The following ITIH6 variants were observed in gnomAD, a reference collection of about 807,000 sequenced individuals.
The protein encoded by ITIH6 is inter-alpha-trypsin inhibitor heavy chain H6.
ITIH6 carries 60 observed loss-of-function variants against 58.2 expected under a neutral mutation model. That is an observed-to-expected ratio of 1.03 (90% confidence interval 0.84 to 1.28). The LOEUF (loss-of-function observed/expected upper bound fraction) is 1.28. Ranked by LOEUF, ITIH6 falls within the 50% of genes most tolerant of loss-of-function variation. The pLI is 0.00. For synonymous variants in ITIH6, 493 were observed against 417.4 expected (o/e 1.18, Z -2.21); for missense variants, 1,290 against 1,021.1 (o/e 1.26, Z -3.59).
chrX:54,765,442 G>C lies in ITIH6; in HGVS notation c.904-5515C>G, dbSNP rs1479722008. The stretch of plus-strand genomic sequence containing the variant: ...CATCTTGAATTGATTTTTGTATAAG[G>C]TGTAAGGAAGGGATCCAGTTTCAGC... On this transcript the variant is annotated intron_variant, in intron 6 of 12. Transcript: ENST00000218436. 2.0e-4 allele frequency among the ~76,000 whole-genome samples: 20 copies of C among 100,704 alleles called. No homozygotes were observed. The East Asian group carries it at 5.4e-3, about 27-fold the overall frequency. 87.4% of individuals were successfully genotyped at this position (100,704 alleles called of 115,157 possible).
intron 2 of ITIH6, among the ~76,000 whole-genome samples, chrX:54,794,093 A>T (rs1002958445): frequency 6.3e-5 from 7 of 110,540 alleles, no homozygotes; most frequent in Admixed American, 9.6e-5. Flanking sequence ...AGAAGAGACC[A>T]CTCAGGGAAG....
rs1928512952 is a variant in ITIH6 at position 54,757,262 on chromosome X, CA to C, written c.2811del (p.Gly938GlufsTer30). ...LPMPFTPTLP[P>X]GRFWHQYDLL... The stretch of plus-strand genomic sequence containing the variant: ...AGGTCATACTGATGCCAGAACCTTC[CA>C]GGGGGCAGAGTGGGAGTAAAGGGCA... On this transcript the variant is annotated frameshift_variant, in exon 8 of 13. Transcript: ENST00000218436. LOFTEE classifies it high-confidence loss of function. The C allele has an allele frequency of 1.7e-6, 2 of 1,190,018 alleles. No homozygotes were observed. The highest frequency in any genetic ancestry group is 1.1e-6 in the Non-Finnish European group (1 of 885,040).
At position 54,755,014 on chromosome X, in the gene ITIH6, C is replaced by T. The variant is rs1017687150; in HGVS notation, c.3202+3G>A. On this transcript the variant is annotated splice_donor_region_variant and intron_variant, in intron 9 of 12. Transcript: ENST00000218436. Reference sequence around the variant, plus strand: ...ATCTTTGTCAGGAGAGCTCCTTGCTCACCTTTTGCTAACCCCACAGAACTT... The same window carrying T: ...ATCTTTGTCAGGAGAGCTCCTTGCTTACCTTTTGCTAACCCCACAGAACTT... The T allele has an allele frequency of 8.3e-7, 1 of 1,199,713 alleles. No individual in the cohort carries two copies. The highest frequency in any genetic ancestry group is 1.1e-6 in the Non-Finnish European group (1 of 885,016).
chrX:54,775,816 A>C (rs1352253380), intron 5 of ITIH6, among the ~76,000 whole-genome samples: 1 of 111,373 alleles, frequency 9.0e-6, no homozygotes, highest in Non-Finnish European at 1.9e-5. Context: ...CCCTTGCTAA[A>C]GGCAACTGTG....
chrX:54,770,173 C>G lies in ITIH6; in HGVS notation c.903+3908G>C, dbSNP rs368274545. Reference sequence around the variant, plus strand: ...GCGTCCCTCACCCCTTTCTTTGACTCGGAAAGGGAACTCCCTGTCCCCTTG... The same window carrying G: ...GCGTCCCTCACCCCTTTCTTTGACTGGGAAAGGGAACTCCCTGTCCCCTTG... On this transcript the variant is annotated intron_variant, in intron 6 of 12. Coordinates refer to ENST00000218436, the MANE Select transcript of ITIH6 (RefSeq NM_198510.3). 3.6e-3 allele frequency among the ~76,000 whole-genome samples: 405 copies of G among 112,749 alleles called. 2 individuals carry two copies. Among genetic ancestry groups the G allele is most frequent in the African/African-American group, 0.012 (375 of 31,097 alleles).
chrX:54,757,365 T>C lies in ITIH6; in HGVS notation c.2709A>G (p.Thr903=). The C allele has an allele frequency of 8.3e-7, 1 of 1,207,833 alleles. No homozygotes were observed. Residue 903 remains threonine, a synonymous_variant, in exon 8 of 13, where the codon ACA becomes ACG. Coordinates refer to ENST00000218436, the MANE Select transcript of ITIH6 (RefSeq NM_198510.3). ...PRPPLPESLS[T]FPNTISSSTG... ...TGGAACTTGAGATTGTATTTGGGAA[T>C]GTGCTTAGGCTCTCAGGAAGTGGGG...
intron 5 of ITIH6, among the ~76,000 whole-genome samples, chrX:54,785,602 T>C (rs775024699): frequency 8.9e-6 from 1 of 111,932 alleles, no homozygotes; most frequent in Non-Finnish European, 1.9e-5. Context: ...CAGTTGAACA[T>C]GGATGACTTC....
chrX:54,750,070 C>T lies in ITIH6; in HGVS notation c.3767G>A (p.Gly1256Glu). 8.3e-7 allele frequency: 1 copy of T among 1,210,360 alleles called. No homozygotes were observed. Among genetic ancestry groups the T allele is most frequent in the Non-Finnish European group, 1.1e-6 (1 of 894,743 alleles). ...FQHADIRLVT[G>E]PMGPCLRRHH... ...CCTTCGTAAGCATGGCCCCATAGGTCCTGTCACCAGTCGGATGTCTGCGTG... is the reference window on the plus strand; with the variant it reads ...CCTTCGTAAGCATGGCCCCATAGGTTCTGTCACCAGTCGGATGTCTGCGTG... Residue 1256 changes from glycine (G) to glutamate (E), a missense_variant, in exon 13 of 13, where the codon GGA becomes GAA. By Grantham distance (98) the Gly-to-Glu change is moderately conservative. Coordinates refer to ENST00000218436, the MANE Select transcript of ITIH6 (RefSeq NM_198510.3).
chrX:54,768,117 G>A (rs1418124954), intron 6 of ITIH6, among the ~76,000 whole-genome samples: 5 of 79,114 alleles, frequency 6.3e-5, no homozygotes, highest in Non-Finnish European at 9.1e-5. Flanking sequence ...AGCTCCTCTT[G>A]TTGAATTGAT....
intron 6 of ITIH6, among the ~76,000 whole-genome samples, chrX:54,761,361 C>T (rs1451333499): frequency 9.0e-6 from 1 of 111,497 alleles, no homozygotes; most frequent in African/African-American, 3.3e-5. Flanking sequence ...GAATAGATTG[C>T]AAAAATTTTC....
Position 54,758,598 on chromosome X carries a change from G to A in ITIH6, c.1476C>T (p.Ala492=), listed in dbSNP as rs139379886. The A allele has an allele frequency of 6.6e-6, 8 of 1,209,336 alleles. No homozygotes were observed. In the East Asian group the frequency reaches 2.1e-4, roughly 31 times the overall value. ...LGGLVGASPW[A]VFPNYFGGSE... ...AGCCACCAAAGTAGTTGGGGAAAAC[G>A]GCCCAAGGGGAGGCCCCAACCAAGC... Residue 492 remains alanine (A), a synonymous_variant, in exon 8 of 13, where the codon GCC becomes GCT. Coordinates refer to ENST00000218436, the MANE Select transcript of ITIH6 (RefSeq NM_198510.3).
intron 6 of ITIH6, among the ~76,000 whole-genome samples, chrX:54,762,316 T>G (rs1365417114): frequency 8.9e-6 from 1 of 111,812 alleles, no homozygotes; most frequent in Non-Finnish European, 1.9e-5. Flanking sequence ...TGAAGTTGCT[T>G]ATCAGCTTAA....
At chrX:54,786,947 C>G (rs2147618996) in intron 5 of ITIH6, among the ~76,000 whole-genome samples, 1 of 111,472 alleles carries the variant, frequency 9.0e-6, no homozygotes, top group African/African-American at 3.3e-5. Context: ...AGGGCACACT[C>G]AAGTAGGAAG....
chrX:54,790,865 G>A lies in ITIH6; in HGVS notation c.588C>T (p.Thr196=), dbSNP rs377761530. The A allele has an allele frequency of 1.9e-5, 23 of 1,210,895 alleles. No individual in the cohort carries two copies. In the African/African-American group the frequency reaches 3.1e-4, roughly 16 times the overall value. ...CATGGGCATTGGTGCGCAGACGGCC[G>A]GTCCTCAGGGGTGGTATGTGCACAT... is the stretch of plus-strand genomic sequence containing the variant. ...ISYVHIPPLR[T]GRLRTNAHAS... Residue 196 remains threonine (T), a synonymous_variant, in exon 4 of 13, where the codon ACC becomes ACT. Coordinates refer to ENST00000218436, the MANE Select transcript of ITIH6 (RefSeq NM_198510.3).
At position 54,751,077 on chromosome X, in the gene ITIH6, G is replaced by T; in HGVS notation, c.3656C>A (p.Thr1219Asn). Reference sequence around the variant, plus strand: ...GAACCCCAGGTGGGGTAGTTGCAGGGTACTGGGATGCCTGTAGCGGTGTCG... The same window carrying T: ...GAACCCCAGGTGGGGTAGTTGCAGGTTACTGGGATGCCTGTAGCGGTGTCG... ...VLRHRYRHPS[T>N]LQLPHLGFYV... The change falls in exon 12 of 13, where the codon ACC becomes AAC. Residue 1219 changes from threonine to asparagine, a missense_variant. Physicochemically the swap from Thr to Asn is moderately conservative, Grantham distance 65. Coordinates refer to ENST00000218436, the MANE Select transcript of ITIH6 (RefSeq NM_198510.3). 1.7e-6 allele frequency: 2 copies of T among 1,200,922 alleles called. No homozygotes were observed. The highest frequency in any genetic ancestry group is 2.2e-6 in the Non-Finnish European group (2 of 889,997).
Position 54,757,643 on chromosome X carries a change from C to A in ITIH6, c.2431G>T (p.Gly811Ter), listed in dbSNP as rs1422698331. 8.3e-7 allele frequency: 1 copy of A among 1,210,700 alleles called. No individual in the cohort carries two copies. Residue 811 changes from glycine to a stop codon, truncating the protein, a stop_gained, in exon 8 of 13, where the codon GGA becomes TGA. Coordinates refer to ENST00000218436, the MANE Select transcript of ITIH6 (RefSeq NM_198510.3). LOFTEE classifies it high-confidence loss of function. ...APKGLPQSRP[G>*]VSTLQVPKYP... ...TTGGGAACCTGAAGTGTAGAGACTC[C>A]AGGTCTTGACTGTGGCAGGCCTTTA...
intron 6 of ITIH6, among the ~76,000 whole-genome samples, chrX:54,760,700 T>A (rs1055767290): frequency 1.7e-3 from 194 of 111,516 alleles, no homozygotes; most frequent in Non-Finnish European, 3.0e-3. Context: ...TGGCTTTTTG[T>A]CCTTGAGATA....
At chrX:54,789,771 C>T (rs1423573439) in intron 4 of ITIH6, among the ~76,000 whole-genome samples, 1 of 112,528 alleles carries the variant, frequency 8.9e-6, no homozygotes, top group East Asian at 2.8e-4. Flanking sequence ...GGAGCCATAC[C>T]TGCATCTCAG....
chrX:54,770,384 C>A, intron 6 of ITIH6, among the ~76,000 whole-genome samples: 1 of 112,924 alleles, frequency 8.9e-6, no homozygotes, highest in Non-Finnish European at 1.9e-5. Context: ...TGTTCCTATT[C>A]GGCCATCTTG....
Sources: allele counts gnomAD v4.1 joint callset (sites outside exome capture counted in the v4.1 genomes callset), GRCh38; gene constraint gnomAD v4.1.1; transcripts MANE v1.5; gene names NCBI Gene and HGNC (gene_info 2026-07-23, HGNC 2026-07-21).